The following GRK4 variants were observed in gnomAD, a reference collection of about 807,000 sequenced individuals.
GRK4 encodes the protein G protein-coupled receptor kinase 4, also known as G protein-coupled receptor kinase 2-like.
GRK4 carries 73 observed loss-of-function variants against 77.9 expected under a neutral mutation model. The observed-to-expected ratio is 0.94, with a 90% CI of 0.78 to 1.14. The LOEUF (loss-of-function observed/expected upper bound fraction) is 1.14. Among genes scored for constraint, GRK4 ranks in the 50% most tolerant of loss-of-function variants. The probability of loss-of-function intolerance (pLI) is 0.00; values close to 1 mark genes in which losing one functional copy is unlikely to be tolerated. For synonymous variants in GRK4, 257 were observed against 254.4 expected (o/e 1.01, Z -0.10); for missense variants, 729 against 700.2 (o/e 1.04, Z -0.46).
At chr4:2,981,255 G>T (rs1722792044) in intron 1 of GRK4, among the ~76,000 whole-genome samples, 1 of 152,240 alleles carries the variant, frequency 6.6e-6, no homozygotes. Flanking sequence ...GAGTTGGGGG[G>T]TGTGCTTCAG....
intron 1 of GRK4, among the ~76,000 whole-genome samples, chr4:2,979,403 CAAAAAA>C (rs144374548): frequency 1.7e-5 from 1 of 59,194 alleles, no homozygotes; most frequent in Non-Finnish European, 3.1e-5. Flanking sequence ...GACTCTGTCT[CAAAAAA>C]AAAAAAAAAA....
At chr4:2,980,287 C>A (rs965166684) in intron 1 of GRK4, among the ~76,000 whole-genome samples, 1 of 152,092 alleles carries the variant, frequency 6.6e-6, no homozygotes, top group African/African-American at 2.4e-5. Flanking sequence ...CTGGAGCTGG[C>A]TGGGAGTGGC....
intron 5 of GRK4, among the ~76,000 whole-genome samples, chr4:3,004,651 AAAT>A (rs768182382): frequency 6.6e-6 from 1 of 151,960 alleles, no homozygotes; most frequent in Non-Finnish European, 1.5e-5. Flanking sequence ...ATGCTAGAAA[AAAT>A]AAAGTGTTAC....
chr4:2,965,549 A>G, intron 1 of GRK4: 1 of 683,554 alleles, frequency 1.5e-6, no homozygotes, highest in Non-Finnish European at 2.7e-6. Context: ...ATGCATATTT[A>G]AAGGACAGTC....
chr4:2,979,573 C>T (rs1411764087), intron 1 of GRK4, among the ~76,000 whole-genome samples: 4 of 152,102 alleles, frequency 2.6e-5, no homozygotes, highest in African/African-American at 9.7e-5. Context: ...ATTAGCCGGG[C>T]GTGGTGGCAC....
chr4:3,020,654 C>T (rs1382043848), intron 9 of GRK4, among the ~76,000 whole-genome samples: 1 of 152,144 alleles, frequency 6.6e-6, no homozygotes, highest in Non-Finnish European at 1.5e-5. Flanking sequence ...CAGTCACTCT[C>T]CCTGGGTAAT....
intron 10 of GRK4, among the ~76,000 whole-genome samples, chr4:3,026,668 G>A (rs2110029862): frequency 6.6e-6 from 1 of 152,340 alleles, no homozygotes; most frequent in Non-Finnish European, 1.5e-5. Flanking sequence ...CCAGGACTCA[G>A]ACCCACGCCA....
At position 3,029,184 on chromosome 4, in the gene GRK4, C is replaced by T. The variant is rs1409582588; in HGVS notation, c.1061-17C>T. 4 of 1,572,902 alleles carry T rather than the reference C, an allele frequency of 2.5e-6. No homozygotes were observed. The highest frequency in any genetic ancestry group is 2.2e-5 in the East Asian group (1 of 44,546). ...CAAAATTTAACTTAATTTCCATTTC[C>T]TGTATTTGTTATGTAGCACCTGAAG... On this transcript the variant is annotated splice_polypyrimidine_tract_variant and intron_variant, in intron 11 of 15. Transcript: ENST00000398052.
At chr4:2,979,429 G>T (rs1452677932) in intron 1 of GRK4, among the ~76,000 whole-genome samples, 12 of 123,460 alleles carry the variant, frequency 9.7e-5, no homozygotes, top group Non-Finnish European at 1.8e-5. Context: ...AAAAAAAAGA[G>T]TGGCCAGGCA....
intron 2 of GRK4, among the ~76,000 whole-genome samples, chr4:2,986,338 A>G (rs13132131): frequency 0.076 from 9,595 of 125,804 alleles, 370 homozygotes; most frequent in African/African-American, 0.11. Context: ...AGTTCTTTAT[A>G]TATAAAAGGT....
At chr4:3,017,647 TG>T (rs1560466402) in intron 8 of GRK4, among the ~76,000 whole-genome samples, 1 of 152,218 alleles carries the variant, frequency 6.6e-6, no homozygotes, top group Non-Finnish European at 1.5e-5. Context: ...TCAGCACCTC[TG>T]TTACTGTTTT....
chr4:2,975,128 C>T (rs935212347), intron 1 of GRK4, among the ~76,000 whole-genome samples: 13 of 152,166 alleles, frequency 8.5e-5, no homozygotes, highest in African/African-American at 2.9e-4. Context: ...CATGGTGAAA[C>T]CCTGTCTCTA....
At chr4:2,997,500 G>C (rs1181987926) in intron 4 of GRK4, among the ~76,000 whole-genome samples, 2 of 152,134 alleles carry the variant, frequency 1.3e-5, no homozygotes, top group African/African-American at 4.8e-5. Context: ...GCTTTGAGGG[G>C]AAGGGACCAA....
At chr4:3,039,447 CA>C (rs1412192245) in intron 15 of GRK4, among the ~76,000 whole-genome samples, 1 of 152,004 alleles carries the variant, frequency 6.6e-6, no homozygotes, top group Non-Finnish European at 1.5e-5. Context: ...CCTGTAATCC[CA>C]GCACTTTGGG....
intron 1 of GRK4, among the ~76,000 whole-genome samples, chr4:2,971,769 C>G (rs1719615400): frequency 1.3e-5 from 2 of 152,180 alleles, no homozygotes; most frequent in Admixed American, 6.5e-5. Context: ...TGTCGCAGGC[C>G]TCTCTCCCAG....
intron 4 of GRK4, among the ~76,000 whole-genome samples, chr4:2,998,436 A>G (rs910296176): frequency 6.6e-6 from 1 of 152,182 alleles, no homozygotes; most frequent in African/African-American, 2.4e-5. Context: ...AATCTTGGAT[A>G]TAGAAAATTC....
chr4:3,008,847 G>A (rs2109868040), intron 6 of GRK4, among the ~76,000 whole-genome samples: 1 of 151,504 alleles, frequency 6.6e-6, no homozygotes, highest in African/African-American at 2.4e-5. Flanking sequence ...GTTATTATTA[G>A]TACTATTATT....
chr4:3,016,023 C>T (rs1734381158), intron 8 of GRK4, among the ~76,000 whole-genome samples: 1 of 151,424 alleles, frequency 6.6e-6, no homozygotes, highest in East Asian at 2.0e-4. Flanking sequence ...ATTCTCCTGC[C>T]TCAGCCTCCC....
intron 1 of GRK4, among the ~76,000 whole-genome samples, chr4:2,983,424 G>T (rs1445317012): frequency 1.3e-5 from 2 of 152,124 alleles, no homozygotes; most frequent in African/African-American, 4.8e-5. Context: ...TCTCTGAGTT[G>T]AATTAAAGAA....
Sources: gnomAD v4.1 joint callset for allele counts (sites outside exome capture counted in the v4.1 genomes callset) on GRCh38, gnomAD v4.1.1 for gene constraint, MANE v1.5 for transcripts, NCBI Gene and HGNC (gene_info 2026-07-23, HGNC 2026-07-21) for gene names.